ZNF254: variants seen among roughly 807,000 people sequenced by gnomAD.
The protein encoded by ZNF254 is CTD-2017D11.1.
In ZNF254, 10 loss-of-function variants were observed where a neutral mutation model predicts 12.4. The observed-to-expected ratio is 0.80, with a 90% CI of 0.50 to 1.36. The LOEUF (loss-of-function observed/expected upper bound fraction) is 1.36. Among genes scored for constraint, ZNF254 ranks in the 40% most tolerant of loss-of-function variants. ZNF254 has a pLI of 0.00. For missense variants in ZNF254, 996 were observed against 763.9 expected (o/e 1.30, Z -3.58); for synonymous variants, 305 against 253.4 (o/e 1.20, Z -1.93).
At chr19:24,112,813 A>G (rs1241599099) in intron 3 of ZNF254, among the ~76,000 whole-genome samples, 1 of 152,220 alleles carries the variant, frequency 6.6e-6, no homozygotes, top group Non-Finnish European at 1.5e-5. Context: ...ACATAGAAGA[A>G]TCAAATAGAT....
Position 24,126,887 on chromosome 19 carries a change from G to A in ZNF254, c.887G>A (p.Cys296Tyr), listed in dbSNP as rs750906712. The A allele has an allele frequency of 1.2e-6, 2 of 1,613,484 alleles. No homozygotes were observed. Among genetic ancestry groups the A allele is most frequent in the African/African-American group, 2.7e-5 (2 of 74,888 alleles). Residue 296 changes from cysteine to tyrosine, a missense_variant, in exon 4 of 4, where the codon TGT (cysteine) becomes TAT (tyrosine). Coordinates refer to ENST00000357002, the MANE Select transcript of ZNF254 (RefSeq NM_203282.4). ...IIHTGEKPYK[C>Y]EECGKAFIWS... ...CATACTGGAGAGAAACCTTACAAGT[G>A]TGAAGAATGTGGCAAAGCATTTATC...
intron 2 of ZNF254, 78 bp downstream of exon 2, chr19:24,106,144 A>G (rs145679957): frequency 1.4e-6 from 2 of 1,464,362 alleles, no homozygotes; most frequent in Admixed American, 4.7e-5. Context: ...CTGGTAATTT[A>G]CGCATTCAGA....
intron 2 of ZNF254, among the ~76,000 whole-genome samples, chr19:24,080,865 G>A (rs560047569): frequency 2.5e-4 from 38 of 151,782 alleles, no homozygotes; most frequent in African/African-American, 8.9e-4. Flanking sequence ...GAGGTGGGTG[G>A]TCGGGAGTTC....
intron 2 of ZNF254, among the ~76,000 whole-genome samples, chr19:24,053,199 G>A (rs1443170888): frequency 6.6e-6 from 1 of 152,178 alleles, no homozygotes; most frequent in Admixed American, 6.5e-5. Context: ...CAGCACACCT[G>A]TGAGTCAGTG....
chr19:24,106,481 A>G, intron 2 of ZNF254, 67 bp from the exon 3 acceptor site: 1 of 1,270,600 alleles, frequency 7.9e-7, no homozygotes. Flanking sequence ...CTCCTTACTG[A>G]GCACATTACT....
At chr19:24,039,837 C>A (rs1435258076) in intron 1 of ZNF254, among the ~76,000 whole-genome samples, 2 of 152,146 alleles carry the variant, frequency 1.3e-5, no homozygotes, top group African/African-American at 2.4e-5. Flanking sequence ...GTTCTGATGT[C>A]ACCACCTGAA....
upstream of ZNF254, among the ~76,000 whole-genome samples, chr19:24,086,394 C>T (rs1361697843): frequency 6.6e-6 from 1 of 151,962 alleles, no homozygotes; most frequent in African/African-American, 2.4e-5. Context: ...CAACCTCAGC[C>T]CCCCGGGTTC....
intron 1 of ZNF254, among the ~76,000 whole-genome samples, chr19:24,099,611 C>T (rs138756647): frequency 6.6e-6 from 1 of 152,196 alleles, no homozygotes; most frequent in Non-Finnish European, 1.5e-5. Flanking sequence ...AAACTACCTT[C>T]TGTCATGAAG....
intron 1 of ZNF254, among the ~76,000 whole-genome samples, chr19:24,099,623 T>C (rs1042678602): frequency 6.6e-6 from 1 of 152,318 alleles, no homozygotes; most frequent in Middle Eastern, 3.4e-3. Flanking sequence ...GTCATGAAGA[T>C]GTGAAAAGCT....
chr19:24,081,609 G>C (rs943776129), intron 2 of ZNF254, among the ~76,000 whole-genome samples: 1 of 152,060 alleles, frequency 6.6e-6, no homozygotes, highest in Non-Finnish European at 1.5e-5. Context: ...TGAACTATAT[G>C]CCTGGAACAA....
chr19:24,086,316 TA>T (rs1028750033), upstream of ZNF254, among the ~76,000 whole-genome samples: 8 of 152,188 alleles, frequency 5.3e-5, no homozygotes, highest in African/African-American at 1.9e-4. Context: ...TATTTTATTT[TA>T]TTTTTTGAGA....
chr19:24,106,450 G>T, intron 2 of ZNF254, 98 bp from the exon 3 acceptor site: 1 of 910,986 alleles, frequency 1.1e-6, no homozygotes, highest in Non-Finnish European at 1.6e-6. Flanking sequence ...GAATAACTTT[G>T]TTAGCATATT....
chr19:24,052,326 T>G (rs1970679547), intron 2 of ZNF254, among the ~76,000 whole-genome samples: 1 of 152,202 alleles, frequency 6.6e-6, no homozygotes, highest in African/African-American at 2.4e-5. Flanking sequence ...TTAGGTGATG[T>G]GATTCTTTTA....
rs1205597133 is a variant in ZNF254, at chr19:24,127,681, CT to C, written c.1683del (p.Thr562LeufsTer33). ...CAAAGCCTTTAAGCAGTCTTCAATCCTTACTAACCATAAGAGAATTCATACT... is the reference window on the plus strand; with the variant it reads ...CAAAGCCTTTAAGCAGTCTTCAATCCTACTAACCATAAGAGAATTCATACT... ...CGKAFKQSSI[L>X]TNHKRIHTGE... On this transcript the variant is annotated frameshift_variant, in exon 4 of 4. Coordinates refer to ENST00000357002, the MANE Select transcript of ZNF254 (RefSeq NM_203282.4). LOFTEE classifies it low-confidence loss of function (END_TRUNC). 1.2e-6 allele frequency: 2 copies of C among 1,613,362 alleles called. No homozygotes were observed. The highest frequency in any genetic ancestry group is 1.7e-6 in the Non-Finnish European group (2 of 1,179,706).
In ZNF254 at chr19:24,049,202, ATATATATATATATTTT is replaced by A. The variant is rs1226313064; in HGVS notation, c.-94+2925_-94+2940del. Among the ~76,000 whole-genome samples, 110 of 61,314 alleles carry A rather than the reference ATATATATATATATTTT, an allele frequency of 1.8e-3. 1 individual carries two copies. The highest frequency in any genetic ancestry group is 8.4e-3 in the African/African-American group (106 of 12,672). The allele number at this position is 61,314 out of a possible 152,430, so 40.2% of individuals were successfully genotyped here. ...TCTGGTTTTATATATATATATATAT[ATATATATATATATTTT>A]TTTTTTTTTTTTAATTTATTTATTA... On this transcript the variant is annotated intron_variant, in intron 2 of 4. Coordinates refer to the ZNF254 transcript ENST00000613065.
At chr19:24,052,403 G>T (rs1970683339) in intron 2 of ZNF254, among the ~76,000 whole-genome samples, 1 of 152,168 alleles carries the variant, frequency 6.6e-6, no homozygotes, top group Non-Finnish European at 1.5e-5. Flanking sequence ...CATGAAATCG[G>T]AGGCTTCTGC....
At chr19:24,087,102 T>A, upstream of ZNF254, 1 of 562,106 alleles carries the variant, frequency 1.8e-6, no homozygotes, top group Non-Finnish European at 3.2e-6. Context: ...GCCTTAAACG[T>A]TATCCAACTA....
Position 24,126,844 on chromosome 19 carries a change from A to G in ZNF254, c.844A>G (p.Thr282Ala). 6.2e-7 allele frequency: 1 copy of G among 1,613,378 alleles called. No individual in the cohort carries two copies. Among genetic ancestry groups the G allele is most frequent in the Non-Finnish European group, 8.5e-7 (1 of 1,179,742 alleles). The change falls in exon 4 of 4, where the codon ACT becomes GCT. Residue 282 changes from threonine (T) to alanine (A), a missense_variant. Thr to Ala is a moderately conservative substitution (Grantham distance 58). Transcript: ENST00000357002. ...GEAFNRSSNL[T>A]THKIIHTGEK... ...AGCTTTTAATCGATCCTCAAATCTT[A>G]CTACACATAAGATAATTCATACTGG...
intron 1 of ZNF254, among the ~76,000 whole-genome samples, chr19:24,039,384 T>C (rs964352150): frequency 2.6e-5 from 4 of 152,154 alleles, no homozygotes; most frequent in Non-Finnish European, 5.9e-5. Context: ...CTCCTATGTG[T>C]GAGTTGTATT....
Sources: allele counts gnomAD v4.1 joint callset (sites outside exome capture counted in the v4.1 genomes callset), GRCh38; gene constraint gnomAD v4.1.1; transcripts MANE v1.5; gene names NCBI Gene and HGNC (gene_info 2026-07-23, HGNC 2026-07-21).